Variants in PLCG2 observed in about 807,000 individuals in gnomAD.
PLCG2 encodes the protein phospholipase C gamma 2.
In PLCG2, 69 loss-of-function variants were observed where a neutral mutation model predicts 175.6. That is an observed-to-expected ratio of 0.39 (90% CI 0.32 to 0.48). PLCG2 has a LOEUF of 0.48. Ranked by LOEUF, PLCG2 falls within the 20% of genes least tolerant of loss-of-function variation. The probability of loss-of-function intolerance (pLI) is 0.91; values close to 1 mark genes in which losing one functional copy is unlikely to be tolerated. For missense variants in PLCG2, 1,798 were observed against 1,650.9 expected (o/e 1.09, Z -1.54); for synonymous variants, 827 against 624.0 (o/e 1.33, Z -4.85).
At chr16:81,828,557 C>A (rs545752272) in intron 2 of PLCG2, among the ~76,000 whole-genome samples, 2 of 152,038 alleles carry the variant, frequency 1.3e-5, no homozygotes, top group Non-Finnish European at 2.9e-5. Flanking sequence ...CATTTTTATT[C>A]TGTGCTGTGG....
intron 15 of PLCG2, among the ~76,000 whole-genome samples, chr16:81,907,314 AAG>A (rs1298783175): frequency 2.0e-5 from 3 of 152,058 alleles, no homozygotes; most frequent in Admixed American, 6.5e-5. Flanking sequence ...GGAAAAAAAA[AAG>A]AAGTCATTAA....
rs756707033 is a variant in PLCG2, at chr16:81,891,519, G to A, written c.915G>A (p.Lys305=). The change falls in exon 11 of 33, where the codon AAG becomes AAA. Residue 305 remains lysine, a synonymous_variant. Transcript: ENST00000564138. Reference sequence around the variant, plus strand: ...GAGAAAACAGCATCTGGGATGAGAAGTATGACGCGGTGGACATGCAGGACA... The same window carrying A: ...GAGAAAACAGCATCTGGGATGAGAAATATGACGCGGTGGACATGCAGGACA... ...FSRENSIWDE[K]YDAVDMQDMN... The A allele has an allele frequency of 6.2e-7, 1 of 1,612,504 alleles. No homozygotes were observed. Among genetic ancestry groups the A allele is most frequent in the Non-Finnish European group, 8.5e-7 (1 of 1,178,486 alleles).
At chr16:81,895,715 C>G in intron 12 of PLCG2, 92 bp from the exon 13 acceptor site, 1 of 1,421,336 alleles carries the variant, frequency 7.0e-7, no homozygotes, top group Non-Finnish European at 9.8e-7. Context: ...GTGTCCTTGT[C>G]TAGTAACTGA....
chr16:81,863,088 G>T (rs569494854), intron 5 of PLCG2, among the ~76,000 whole-genome samples: 1 of 152,264 alleles, frequency 6.6e-6, no homozygotes, highest in East Asian at 1.9e-4. Context: ...TCTTAGATAT[G>T]TACTTCTGTG....
chr16:81,930,814 T>A (rs1407506412), intron 24 of PLCG2, among the ~76,000 whole-genome samples: 2 of 151,082 alleles, frequency 1.3e-5, no homozygotes, highest in South Asian at 2.1e-4. Flanking sequence ...TGTAACAACA[T>A]AGAAAATTAT....
chr16:81,951,982 T>A (rs1490997759), intron 31 of PLCG2, among the ~76,000 whole-genome samples: 1 of 152,128 alleles, frequency 6.6e-6, no homozygotes, highest in Non-Finnish European at 1.5e-5. Context: ...TTTCTTGTAT[T>A]TATTGAACGT....
In PLCG2 at chr16:81,961,907, A is replaced by C. The variant is rs1597160394; in HGVS notation, c.*3909A>C. 5.0e-6 allele frequency: 1 copy of C among 198,740 alleles called. No homozygotes were observed. Among genetic ancestry groups the C allele is most frequent in the East Asian group, 7.8e-5 (1 of 12,754 alleles). 12.3% of individuals were successfully genotyped at this position (198,740 alleles called of 1,614,324 possible). A position where few individuals can be genotyped will look rare whatever the true frequency, so the allele number is the denominator to read the frequency against. The stretch of plus-strand genomic sequence containing the variant: ...TTCACTTAAGAGTATCTGAGCATAA[A>C]ATGTTAAGATTGCTGATCGGATGTG... On this transcript the variant is annotated 3_prime_UTR_variant, in exon 33 of 33. Coordinates refer to ENST00000564138, the MANE Select transcript of PLCG2 (RefSeq NM_002661.5).
chr16:81,823,896 TC>T (rs1904920117), intron 2 of PLCG2, among the ~76,000 whole-genome samples: 1 of 151,166 alleles, frequency 6.6e-6, no homozygotes, highest in Admixed American at 6.6e-5. Context: ...TTTTCTTTCC[TC>T]CCTTCCTTCC....
chr16:81,886,667 C>T (rs960762003), intron 9 of PLCG2, among the ~76,000 whole-genome samples: 2 of 152,164 alleles, frequency 1.3e-5, no homozygotes, highest in African/African-American at 2.4e-5. Context: ...ATCAGTGTTT[C>T]TGGGTTTAGT....
At chr16:81,789,553 T>C (rs2143191756) in intron 2 of PLCG2, among the ~76,000 whole-genome samples, 1 of 152,330 alleles carries the variant, frequency 6.6e-6, no homozygotes, top group Non-Finnish European at 1.5e-5. Flanking sequence ...TCTCCGAAAG[T>C]GCTGGGATTA....
At chr16:81,848,014 A>T (rs1055134546) in intron 2 of PLCG2, among the ~76,000 whole-genome samples, 5 of 152,252 alleles carry the variant, frequency 3.3e-5, no homozygotes, top group Admixed American at 6.5e-5. Context: ...TCCAAAGGTT[A>T]TATGGAAAGG....
At chr16:81,800,279 A>G (rs952516908) in intron 2 of PLCG2, among the ~76,000 whole-genome samples, 1 of 152,212 alleles carries the variant, frequency 6.6e-6, no homozygotes, top group South Asian at 2.1e-4. Context: ...AGCGTTTGCC[A>G]TCGTGGCTTG....
chr16:81,954,385 G>C (rs1203925255), intron 31 of PLCG2, among the ~76,000 whole-genome samples: 2 of 152,030 alleles, frequency 1.3e-5, no homozygotes, highest in African/African-American at 4.8e-5. Context: ...TTTACTTTAA[G>C]TTCCAGGATA....
At chr16:81,753,956 G>C (rs1441795339) in intron 1 of PLCG2, among the ~76,000 whole-genome samples, 1 of 152,140 alleles carries the variant, frequency 6.6e-6, no homozygotes, top group East Asian at 1.9e-4. Flanking sequence ...GTCCCACCTT[G>C]GGTGGAGGCT....
chr16:81,871,034 C>G (rs1907488955), intron 7 of PLCG2, 99 bp downstream of exon 7: 2 of 613,758 alleles, frequency 3.3e-6, no homozygotes, highest in Non-Finnish European at 5.7e-6. Context: ...AGTGTTGAAT[C>G]TCCATTTTAG....
rs1217404722 is a variant in PLCG2, at chr16:81,961,879, A to G, written c.*3881A>G. On this transcript the variant is annotated 3_prime_UTR_variant, in exon 33 of 33. Transcript: ENST00000564138. ...ATGTGCAAGAAGATAGAGATTTTCAAAATTCACTTAAGAGTATCTGAGCAT... is the reference window on the plus strand; with the variant it reads ...ATGTGCAAGAAGATAGAGATTTTCAGAATTCACTTAAGAGTATCTGAGCAT... 1 of 199,228 alleles carries G rather than the reference A, an allele frequency of 5.0e-6. No individual in the cohort carries two copies. Among genetic ancestry groups the G allele is most frequent in the East Asian group, 7.8e-5 (1 of 12,824 alleles). 12.3% of individuals were successfully genotyped at this position (199,228 alleles called of 1,614,324 possible). A position where few individuals can be genotyped will look rare whatever the true frequency, so the allele number is the denominator to read the frequency against.
At chr16:81,947,244 C>G (rs941869418) in intron 31 of PLCG2, among the ~76,000 whole-genome samples, 7 of 152,110 alleles carry the variant, frequency 4.6e-5, no homozygotes, top group African/African-American at 1.4e-4. Context: ...AGCTTAATGC[C>G]GGGGCTGCCA....
rs372245335 is a variant in PLCG2, at chr16:81,919,544, G to A, written c.2115G>A (p.Gly705=). 6 of 1,614,020 alleles carry A rather than the reference G, an allele frequency of 3.7e-6. 1 individual carries two copies. Among genetic ancestry groups the A allele is most frequent in the Admixed American group, 3.3e-5 (2 of 59,996 alleles). The stretch of plus-strand genomic sequence containing the variant: ...GGGACGGCCGGCACTTTGTGCTGGG[G>A]ACCTCCGCCTATTTTGAGAGTCTGG... The part of the protein sequence containing the change: ...INRDGRHFVL[G]TSAYFESLVE... Residue 705 remains glycine, a synonymous_variant, in exon 20 of 33, where the codon GGG becomes GGA. Coordinates refer to ENST00000564138, the MANE Select transcript of PLCG2 (RefSeq NM_002661.5).
At chr16:81,814,746 G>C (rs914591978) in intron 2 of PLCG2, among the ~76,000 whole-genome samples, 3 of 152,098 alleles carry the variant, frequency 2.0e-5, no homozygotes, top group Non-Finnish European at 4.4e-5. Flanking sequence ...GCAGAATGGA[G>C]AGCAAGGACC....
Sources: allele counts gnomAD v4.1 joint callset (sites outside exome capture counted in the v4.1 genomes callset), GRCh38; gene constraint gnomAD v4.1.1; transcripts MANE v1.5; gene names NCBI Gene and HGNC (gene_info 2026-07-23, HGNC 2026-07-21).